Variants in DUSP14 observed in about 807,000 individuals in gnomAD.
The protein encoded by DUSP14 is dual specificity phosphatase 14.
Under a neutral mutation model 13.2 loss-of-function variants are expected in DUSP14, and 5 were observed. That is an observed-to-expected ratio of 0.38 (90% CI 0.20 to 0.80). The LOEUF is 0.80. DUSP14 is among the 30% of genes least tolerant of loss of function. The probability of loss-of-function intolerance (pLI) is 0.44; values close to 1 mark genes in which losing one functional copy is unlikely to be tolerated. For synonymous variants in DUSP14, 91 were observed against 103.4 expected (o/e 0.88, Z 0.73); for missense variants, 185 against 264.0 (o/e 0.70, Z 2.07).
intron 2 of DUSP14, among the ~76,000 whole-genome samples, chr17:37,511,586 T>C (rs1404123962): frequency 3.4e-5 from 1 of 29,466 alleles, no homozygotes; most frequent in African/African-American, 1.4e-4. Flanking sequence ...TGGCCTTTCC[T>C]TTTTTTTTTT....
Position 37,512,980 on chromosome 17 carries a change from G to A in DUSP14, c.*111G>A. On this transcript the variant is annotated 3_prime_UTR_variant, in exon 3 of 3. Coordinates refer to ENST00000617516, the MANE Select transcript of DUSP14 (RefSeq NM_007026.4). The surrounding 1 kb of genome is among the most constrained non-coding windows in gnomAD (Gnocchi z 4.8). Reference sequence around the variant, plus strand: ...GCTGACTTCTGGTTCTCCCTCAAGTGTTTTTTACACTGGGTGTTCAAATTT... The same window carrying A: ...GCTGACTTCTGGTTCTCCCTCAAGTATTTTTTACACTGGGTGTTCAAATTT... 1 of 922,564 alleles carries A rather than the reference G, an allele frequency of 1.1e-6. No individual in the cohort carries two copies. Among genetic ancestry groups the A allele is most frequent in the Non-Finnish European group, 1.7e-6 (1 of 598,522 alleles). The allele number at this position is 922,564 out of a possible 1,614,324, so 57.1% of individuals were successfully genotyped here. A position where few individuals can be genotyped will look rare whatever the true frequency, so the allele number is the denominator to read the frequency against.
intron 1 of DUSP14, among the ~76,000 whole-genome samples, chr17:37,499,944 C>T (rs1303090253): frequency 1.3e-5 from 2 of 152,216 alleles, no homozygotes; most frequent in Non-Finnish European, 2.9e-5. Context: ...CTTCAGGATC[C>T]TCTGCCTTGG....
At chr17:37,503,308 C>G (rs2054117075) in intron 1 of DUSP14, among the ~76,000 whole-genome samples, 1 of 152,140 alleles carries the variant, frequency 6.6e-6, no homozygotes, top group African/African-American at 2.4e-5. Context: ...ACCTGTGGTT[C>G]CAGCAACGTG....
At chr17:37,492,793 C>G (rs1264958794) in intron 1 of DUSP14, among the ~76,000 whole-genome samples, 3 of 152,146 alleles carry the variant, frequency 2.0e-5, no homozygotes, top group Non-Finnish European at 4.4e-5. Flanking sequence ...GGTCAAGAAT[C>G]TGACTCCACA....
chr17:37,504,204 A>C (rs555807813), intron 1 of DUSP14, among the ~76,000 whole-genome samples: 13 of 152,316 alleles, frequency 8.5e-5, no homozygotes, highest in Non-Finnish European at 1.8e-4. Flanking sequence ...AAACAAAAAC[A>C]AAAACCAATG....
intron 1 of DUSP14, among the ~76,000 whole-genome samples, chr17:37,508,586 T>C (rs1781962543): frequency 6.6e-6 from 1 of 151,700 alleles, no homozygotes; most frequent in East Asian, 1.9e-4. Context: ...GTACAAAAAA[T>C]AGCAACGTGT....
chr17:37,499,301 TA>T (rs2054089762), intron 1 of DUSP14, among the ~76,000 whole-genome samples: 9 of 152,300 alleles, frequency 5.9e-5, no homozygotes, highest in Admixed American at 2.6e-4. Flanking sequence ...ACACAGAGCC[TA>T]ACCATATCAG....
intron 1 of DUSP14, among the ~76,000 whole-genome samples, chr17:37,505,460 CCT>C (rs946932610): frequency 4.5e-4 from 69 of 152,108 alleles, no homozygotes; most frequent in African/African-American, 1.6e-3. Context: ...ACAGTGTAGG[CCT>C]CTCCAGTATA....
At position 37,513,337 on chromosome 17, in the gene DUSP14, C is replaced by T. The variant is rs2054211777; in HGVS notation, c.*468C>T. 1 of 173,690 alleles carries T rather than the reference C, an allele frequency of 5.8e-6. No homozygotes were observed. Among genetic ancestry groups the T allele is most frequent in the South Asian group, 2.0e-4 (1 of 4,920 alleles). 10.8% of individuals were successfully genotyped at this position (173,690 alleles called of 1,614,324 possible). Reference sequence around the variant, plus strand: ...TCTACTGGATTAGCCCTACTCTTTCCTTTCCCCTCCATTATTTAGTGACTC... The same window carrying T: ...TCTACTGGATTAGCCCTACTCTTTCTTTTCCCCTCCATTATTTAGTGACTC... On this transcript the variant is annotated 3_prime_UTR_variant, in exon 3 of 3. Coordinates refer to ENST00000617516, the MANE Select transcript of DUSP14 (RefSeq NM_007026.4).
chr17:37,494,221 C>T (rs547233305), intron 1 of DUSP14, among the ~76,000 whole-genome samples: 2 of 152,220 alleles, frequency 1.3e-5, no homozygotes, highest in South Asian at 4.1e-4. Flanking sequence ...TCTTAATCTC[C>T]TGACCTCGTG....
intron 2 of DUSP14, among the ~76,000 whole-genome samples, chr17:37,511,104 G>A (rs995181716): frequency 1.3e-5 from 2 of 152,054 alleles, no homozygotes; most frequent in Admixed American, 1.3e-4. Flanking sequence ...GGGCTTCATC[G>A]TGGAGCTCAG....
intron 1 of DUSP14, among the ~76,000 whole-genome samples, chr17:37,506,179 C>T (rs2054136633): frequency 6.6e-6 from 1 of 152,030 alleles, no homozygotes; most frequent in Non-Finnish European, 1.5e-5. Context: ...GCAGGAGGGT[C>T]ATTTGAACCC....
intron 1 of DUSP14, among the ~76,000 whole-genome samples, chr17:37,496,403 A>C (rs1466570112): frequency 7.2e-5 from 11 of 151,930 alleles, no homozygotes; most frequent in Non-Finnish European, 5.9e-5. Flanking sequence ...TCAAAAGTTC[A>C]ATCGAGACTA....
intron 1 of DUSP14, among the ~76,000 whole-genome samples, chr17:37,502,826 CAT>C (rs566894837): frequency 3.2e-4 from 49 of 152,246 alleles, no homozygotes; most frequent in African/African-American, 1.2e-3. Context: ...CAGTGTGCGA[CAT>C]GTTTGTGCTC....
At chr17:37,511,675 C>T (rs1250256959) in intron 2 of DUSP14, among the ~76,000 whole-genome samples, 2 of 148,788 alleles carry the variant, frequency 1.3e-5, no homozygotes, top group African/African-American at 5.0e-5. Context: ...GCAGCCTCGA[C>T]CTCCCAGGCT....
chr17:37,508,456 A>G (rs1305852812), intron 1 of DUSP14, among the ~76,000 whole-genome samples: 1 of 152,174 alleles, frequency 6.6e-6, no homozygotes, highest in East Asian at 1.9e-4. Flanking sequence ...AAATGGAGCC[A>G]GGCACAGTGG....
At chr17:37,509,255 A>G (rs1350468949) in intron 1 of DUSP14, among the ~76,000 whole-genome samples, 1 of 23,680 alleles carries the variant, frequency 4.2e-5, no homozygotes, top group African/African-American at 1.3e-4. Context: ...ATATATATAT[A>G]TATATATATA....
intron 1 of DUSP14, among the ~76,000 whole-genome samples, chr17:37,496,648 A>G (rs542124263): frequency 1.6e-3 from 242 of 152,266 alleles, no homozygotes; most frequent in African/African-American, 5.6e-3. Flanking sequence ...CAGCTACTCC[A>G]GAGGCTGAGA....
At chr17:37,490,653 G>A (rs1261780424) in intron 1 of DUSP14, among the ~76,000 whole-genome samples, 1 of 152,134 alleles carries the variant, frequency 6.6e-6, no homozygotes, top group African/African-American at 2.4e-5. Flanking sequence ...CATCCCAGAG[G>A]CTAGGGAAGG....
Sources: gnomAD v4.1 joint callset for allele counts (sites outside exome capture counted in the v4.1 genomes callset) on GRCh38, gnomAD v4.1.1 for gene constraint, Gnocchi (gnomAD v3.1) non-coding constraint, MANE v1.5 for transcripts, NCBI Gene and HGNC (gene_info 2026-07-23, HGNC 2026-07-21) for gene names.